RANBP2: variants seen among roughly 807,000 people sequenced by gnomAD.
RANBP2 encodes the protein RAN binding protein 2, also known as E3 SUMO-protein ligase RanBP2.
A neutral mutation model predicts 303.6 loss-of-function variants in RANBP2; 57 were observed. The observed-to-expected ratio is 0.19, with a 90% confidence interval of 0.15 to 0.23. The LOEUF (loss-of-function observed/expected upper bound fraction) is 0.23, where lower values mean the gene tolerates loss of function less well. Ranked by LOEUF, RANBP2 falls within the 10% of genes least tolerant of loss-of-function variation. RANBP2 has a pLI of 1.00. For missense variants in RANBP2, 3,138 were observed against 3,780.8 expected, an observed-to-expected ratio of 0.83 and a Z score of 4.46; for synonymous variants, 1,167 against 1,301.5, an observed-to-expected ratio of 0.90 and a Z score of 2.23.
the RANBP2 span, chr2:109,615,932 C>G: frequency 1.2e-6 from 2 of 1,605,032 alleles, no homozygotes; most frequent in Admixed American, 1.7e-5. Context: ...GAACCCAGAT[C>G]GTCCACACCA....
chr2:108,837,597 C>T, the RANBP2 span, among the ~76,000 whole-genome samples: 2 of 152,214 alleles, frequency 1.3e-5, no homozygotes, highest in Non-Finnish European at 2.9e-5. Flanking sequence ...TAGCAGAACA[C>T]ATTACTCACA....
At chr2:109,440,185 G>A in the RANBP2 span, among the ~76,000 whole-genome samples, 2 of 152,226 alleles carry the variant, frequency 1.3e-5, no homozygotes, top group African/African-American at 4.8e-5. Flanking sequence ...AGTCCAGTGT[G>A]TAGATGACAG....
chr2:108,766,686 A>G lies in RANBP2; in HGVS notation c.6147A>G (p.Val2049=), dbSNP rs747957020. The change falls in exon 20 of 29, where the codon GTA becomes GTG. Residue 2049 remains valine (V), a synonymous_variant. Transcript: ENST00000283195. The part of the protein sequence containing the change: ...RVKLFRFDAE[V]SQWKERGLGN... ...AACTATTTAGATTTGATGCTGAGGT[A>G]AGTCAGTGGAAAGAAAGGGGCTTGG... 2 of 1,612,028 alleles carry G rather than the reference A, an allele frequency of 1.2e-6. No individual in the cohort carries two copies. Among genetic ancestry groups the G allele is most frequent in the South Asian group, 2.2e-5 (2 of 90,994 alleles).
the RANBP2 span, among the ~76,000 whole-genome samples, chr2:109,298,980 C>T: frequency 1.3e-5 from 2 of 152,344 alleles, no homozygotes; most frequent in African/African-American, 2.4e-5. Flanking sequence ...CGGCCCACGC[C>T]GGCCTGCACC....
At chr2:108,956,073 C>T in the RANBP2 span, among the ~76,000 whole-genome samples, 2 of 152,058 alleles carry the variant, frequency 1.3e-5, no homozygotes, top group African/African-American at 4.8e-5. Flanking sequence ...AAACACTGTT[C>T]GGGCTACTTG....
chr2:109,732,150 G>A, the RANBP2 span, among the ~76,000 whole-genome samples: 1 of 152,140 alleles, frequency 6.6e-6, no homozygotes, highest in South Asian at 2.1e-4. Flanking sequence ...GAACTAGCAT[G>A]CCTGGCCATA....
At chr2:108,880,629 A>T in the RANBP2 span, among the ~76,000 whole-genome samples, 1 of 152,144 alleles carries the variant, frequency 6.6e-6, no homozygotes. Context: ...CTTAAGAATT[A>T]TGCTAAATCT....
the RANBP2 span, among the ~76,000 whole-genome samples, chr2:109,540,139 T>G: frequency 6.6e-6 from 1 of 152,212 alleles, no homozygotes. Context: ...CTTAACTGTA[T>G]TATGATCAAG....
chr2:109,237,955 C>G, the RANBP2 span, among the ~76,000 whole-genome samples: 2 of 152,184 alleles, frequency 1.3e-5, no homozygotes, highest in African/African-American at 2.4e-5. Context: ...GTTTTTATGA[C>G]CACGCAATGG....
the RANBP2 span, among the ~76,000 whole-genome samples, chr2:109,055,676 G>A: frequency 1.3e-5 from 2 of 150,974 alleles, no homozygotes; most frequent in East Asian, 3.9e-4. Context: ...GAGCCACCAC[G>A]CCCAGCGGCC....
the RANBP2 span, among the ~76,000 whole-genome samples, chr2:109,256,873 A>G: frequency 6.6e-6 from 1 of 152,158 alleles, no homozygotes; most frequent in Non-Finnish European, 1.5e-5. Flanking sequence ...GAGACTAACC[A>G]TCAGCCTCTA....
At chr2:109,477,535 G>A in the RANBP2 span, among the ~76,000 whole-genome samples, 1 of 152,208 alleles carries the variant, frequency 6.6e-6, no homozygotes, top group Non-Finnish European at 1.5e-5. Context: ...CTCCCAGCAG[G>A]AAGAGGGCAG....
At chr2:109,242,260 G>T in the RANBP2 span, among the ~76,000 whole-genome samples, 1 of 152,162 alleles carries the variant, frequency 6.6e-6, no homozygotes, top group Non-Finnish European at 1.5e-5. Context: ...GTAGTCCTGA[G>T]GCATGGGTTC....
the RANBP2 span, chr2:109,501,596 C>T: frequency 2.9e-4 from 223 of 779,474 alleles, 1 homozygote; most frequent in Non-Finnish European, 2.2e-4. Context: ...AGCGTGAGGA[C>T]GGCTGGTACA....
the RANBP2 span, among the ~76,000 whole-genome samples, chr2:108,946,851 A>G: frequency 6.6e-6 from 1 of 152,036 alleles, no homozygotes; most frequent in Non-Finnish European, 1.5e-5. Context: ...GGGTGGGGAC[A>G]CAGAGCCAAA....
chr2:109,272,860 G>A, the RANBP2 span, among the ~76,000 whole-genome samples: 11 of 152,172 alleles, frequency 7.2e-5, no homozygotes, highest in African/African-American at 2.4e-4. Flanking sequence ...GTGTTCTGTC[G>A]GCAAACGTTC....
the RANBP2 span, among the ~76,000 whole-genome samples, chr2:109,146,636 T>C: frequency 6.6e-6 from 1 of 152,176 alleles, no homozygotes; most frequent in African/African-American, 2.4e-5. Context: ...CATGGGTGGC[T>C]GACTGACCAT....
the RANBP2 span, among the ~76,000 whole-genome samples, chr2:109,314,365 G>A: frequency 6.6e-6 from 1 of 152,214 alleles, no homozygotes; most frequent in Non-Finnish European, 1.5e-5. Context: ...CTCCGTTGAA[G>A]GGTGAATCCC....
At chr2:109,322,351 A>G in the RANBP2 span, among the ~76,000 whole-genome samples, 1 of 152,178 alleles carries the variant, frequency 6.6e-6, no homozygotes, top group African/African-American at 2.4e-5. Context: ...GAACATTTCA[A>G]CATGTGCCGA....
Sources: gnomAD v4.1 joint callset for allele counts (sites outside exome capture counted in the v4.1 genomes callset) on GRCh38, gnomAD v4.1.1 for gene constraint, MANE v1.5 for transcripts, NCBI Gene and HGNC (gene_info 2026-07-23, HGNC 2026-07-21) for gene names.